CNNM1: variants seen among roughly 807,000 people sequenced by gnomAD.
The protein encoded by CNNM1 is metal transporter CNNM1.
Under a neutral mutation model 78.8 loss-of-function variants are expected in CNNM1, and 44 were observed. That is an observed-to-expected ratio of 0.56 (90% CI 0.44 to 0.72). The LOEUF is 0.72. Ranked by LOEUF, CNNM1 falls within the 30% of genes least tolerant of loss-of-function variation. CNNM1 has a pLI of 0.00. For synonymous variants in CNNM1, 584 were observed against 581.5 expected (o/e 1.00, Z -0.06); for missense variants, 1,101 against 1,292.2 (o/e 0.85, Z 2.27).
intron 1 of CNNM1, among the ~76,000 whole-genome samples, chr10:99,348,433 G>A (rs1365516969): frequency 6.6e-6 from 1 of 152,188 alleles, no homozygotes; most frequent in Admixed American, 6.5e-5. Context: ...AAATGATTTT[G>A]TGCATTGTGC....
chr10:99,369,656 T>A (rs554924344), intron 6 of CNNM1, among the ~76,000 whole-genome samples: 53 of 152,346 alleles, frequency 3.5e-4, no homozygotes, highest in African/African-American at 1.2e-3. Context: ...CATGTTGATC[T>A]ATACAAGATA....
At chr10:99,332,328 A>T (rs895443324) in intron 1 of CNNM1, among the ~76,000 whole-genome samples, 2 of 152,228 alleles carry the variant, frequency 1.3e-5, no homozygotes, top group African/African-American at 4.8e-5. Context: ...CAAAAAAATC[A>T]ATCCCTTGAC....
intron 6 of CNNM1, among the ~76,000 whole-genome samples, chr10:99,367,399 G>T (rs753966150): frequency 5.3e-5 from 8 of 151,772 alleles, no homozygotes; most frequent in Non-Finnish European, 1.0e-4. Flanking sequence ...CCTGCATGAG[G>T]TGAAGGGAAC....
chr10:99,361,749 T>C (rs976570185), intron 3 of CNNM1, among the ~76,000 whole-genome samples: 2 of 152,232 alleles, frequency 1.3e-5, no homozygotes, highest in South Asian at 4.1e-4. Flanking sequence ...GATGCAATGA[T>C]GCCTCACATT....
intron 1 of CNNM1, among the ~76,000 whole-genome samples, chr10:99,348,468 G>C (rs542044231): frequency 6.6e-6 from 1 of 152,350 alleles, no homozygotes; most frequent in East Asian, 1.9e-4. Flanking sequence ...CAAGTGCCTA[G>C]AAGAGTGCTC....
At chr10:99,383,395 T>C (rs1271822590) in intron 7 of CNNM1, among the ~76,000 whole-genome samples, 1 of 152,142 alleles carries the variant, frequency 6.6e-6, no homozygotes, top group Non-Finnish European at 1.5e-5. Context: ...TGCCTCAGCC[T>C]CCTGAGTAGT....
At chr10:99,388,342 A>G in intron 9 of CNNM1, 41 bp downstream of exon 9, 2 of 1,597,508 alleles carry the variant, frequency 1.3e-6, no homozygotes, top group Non-Finnish European at 8.5e-7. Flanking sequence ...AAGGGAGATC[A>G]TTGCCTTTGG....
At chr10:99,368,701 C>T (rs983625702) in intron 6 of CNNM1, 89 of 1,288,412 alleles carry the variant, frequency 6.9e-5, no homozygotes, top group Non-Finnish European at 8.1e-5. Context: ...ATGGGTGTCT[C>T]GGGTCTCTGT....
At position 99,379,119 on chromosome 10, in the gene CNNM1, G is replaced by A. The variant is rs574081323; in HGVS notation, c.2340+1901G>A. Among the ~76,000 whole-genome samples the A allele has an allele frequency of 7.0e-4, 107 of 152,318 alleles. 1 individual carries two copies. The highest frequency in any genetic ancestry group is 1.8e-3 in the African/African-American group (75 of 41,576). On this transcript the variant is annotated intron_variant, in intron 7 of 10. Coordinates refer to ENST00000356713, the MANE Select transcript of CNNM1 (RefSeq NM_020348.3). Reference sequence around the variant, plus strand: ...AATATGTTAAGTCTGGTTGGTTTTCGTGTTGGACATGTGATCTGTGGGGAA... The same window carrying A: ...AATATGTTAAGTCTGGTTGGTTTTCATGTTGGACATGTGATCTGTGGGGAA...
intron 7 of CNNM1, among the ~76,000 whole-genome samples, chr10:99,380,273 C>G (rs1390809332): frequency 1.3e-5 from 2 of 152,140 alleles, no homozygotes; most frequent in African/African-American, 2.4e-5. Flanking sequence ...CACAAACATT[C>G]AGTCCATAAC....
intron 2 of CNNM1, 58 bp from the exon 3 acceptor site, chr10:99,360,777 C>T (rs1319551425): frequency 6.6e-6 from 10 of 1,526,394 alleles, no homozygotes; most frequent in Non-Finnish European, 8.8e-6. Flanking sequence ...TCTGGGAAAA[C>T]CTCCAAAGAT....
At chr10:99,340,876 T>TCCTTCCTTCCTTCCTGCCTG (rs71009744) in intron 1 of CNNM1, among the ~76,000 whole-genome samples, 33 of 138,254 alleles carry the variant, frequency 2.4e-4, no homozygotes, top group African/African-American at 7.5e-4. Context: ...CTTCCTTCCT[T>TCCTTCCTTCCTTCCTGCCTG]CCTGCCTGCC....
intron 1 of CNNM1, among the ~76,000 whole-genome samples, chr10:99,354,758 C>A (rs2031073276): frequency 6.6e-6 from 1 of 151,978 alleles, no homozygotes; most frequent in Admixed American, 6.6e-5. Context: ...ATGGTGGTAA[C>A]CTGGTATGCC....
At chr10:99,342,167 A>C (rs1441492657) in intron 1 of CNNM1, among the ~76,000 whole-genome samples, 1 of 152,246 alleles carries the variant, frequency 6.6e-6, no homozygotes, top group Admixed American at 6.5e-5. Flanking sequence ...AGTATACTTC[A>C]ATCAATACTT....
intron 6 of CNNM1, chr10:99,368,436 G>C: frequency 2.9e-6 from 1 of 348,246 alleles, no homozygotes. Context: ...TTTCTGGAGT[G>C]TGACTTTGTA....
At chr10:99,357,408 C>A in intron 1 of CNNM1, 104 bp from the exon 2 acceptor site, 1 of 1,157,364 alleles carries the variant, frequency 8.6e-7, no homozygotes, top group Non-Finnish European at 1.2e-6. Context: ...GGGATGAGTG[C>A]AATCCTGAGA....
chr10:99,380,601 G>A (rs1268901139), intron 7 of CNNM1, among the ~76,000 whole-genome samples: 1 of 152,080 alleles, frequency 6.6e-6, no homozygotes, highest in Admixed American at 6.5e-5. Flanking sequence ...GACCAGCCTG[G>A]ACAACATGGC....
intron 4 of CNNM1, among the ~76,000 whole-genome samples, chr10:99,363,177 G>A (rs1243307056): frequency 2.6e-5 from 4 of 152,094 alleles, no homozygotes. Flanking sequence ...TTAAAATCTT[G>A]ATTAAGCTCA....
intron 1 of CNNM1, among the ~76,000 whole-genome samples, chr10:99,332,078 G>GC (rs1005476697): frequency 1.3e-5 from 2 of 152,064 alleles, no homozygotes; most frequent in African/African-American, 4.8e-5. Context: ...CAGTTTGACC[G>GC]CCCCCCTAGT....
Sources: gnomAD v4.1 joint callset for allele counts (sites outside exome capture counted in the v4.1 genomes callset) on GRCh38, gnomAD v4.1.1 for gene constraint, MANE v1.5 for transcripts, NCBI Gene and HGNC (gene_info 2026-07-23, HGNC 2026-07-21) for gene names.